The following ATP13A5 variants were observed in gnomAD, a reference collection of about 807,000 sequenced individuals.
ATP13A5 encodes the protein ATPase 13A5, also known as probable cation-transporting ATPase 13A5.
ATP13A5 carries 149 observed loss-of-function variants against 150.2 expected under a neutral mutation model. The observed-to-expected ratio is 0.99, with a 90% CI of 0.87 to 1.14. The LOEUF is 1.14. Among genes scored for constraint, ATP13A5 ranks in the 50% most tolerant of loss-of-function variants. The probability of loss-of-function intolerance (pLI) is 0.00; values close to 1 mark genes in which losing one functional copy is unlikely to be tolerated. For missense variants in ATP13A5, 1,383 were observed against 1,449.3 expected (o/e 0.95, Z 0.74); for synonymous variants, 497 against 522.2 (o/e 0.95, Z 0.66).
rs369208712 is a variant in ATP13A5, at chr3:193,324,882, C to T, written c.1656G>A (p.Met552Ile). 1.2e-6 allele frequency: 2 copies of T among 1,613,880 alleles called. No homozygotes were observed. The highest frequency in any genetic ancestry group is 1.3e-5 in the African/African-American group (1 of 74,926). ...TIQGDPLDLK[M>I]FEGTAWKMED... is the part of the protein sequence containing the mutation. ...ACCTTACCCAGGCAGTGCCCTCAAA[C>T]ATTTTGAGGTCCAGAGGGTCTCCCT... Residue 552 changes from methionine to isoleucine, a missense_variant, in exon 14 of 30, where the codon ATG (methionine) becomes ATA (isoleucine). By Grantham distance (10) the Met-to-Ile change is conservative. Around this residue, in one of 3 missense-constraint regions of ATP13A5, gnomAD observed 787 missense variants for 771.9 expected, o/e 1.02. Transcript: ENST00000342358.
At chr3:193,327,115 A>G (rs561719728) in intron 12 of ATP13A5, 58 bp from the exon 13 acceptor site, 1 of 1,446,304 alleles carries the variant, frequency 6.9e-7, no homozygotes, top group South Asian at 1.3e-5. Context: ...ATTATATAGT[A>G]ATTTAAACAA....
rs538741347 is a variant in ATP13A5, at chr3:193,290,011, C to A, written c.2897G>T (p.Gly966Val). The change falls in exon 26 of 30, where the codon GGA becomes GTA. Residue 966 changes from glycine to valine, a missense_variant. Transcript: ENST00000342358. ...YPKLAPYRPA[G>V]QLLSPPLLLS... ...CAGTAAAGGGGGAGAAAGGAGCTGT[C>A]CTGCTGGTCTATATGGAGCCAGCTT... The A allele has an allele frequency of 6.2e-7, 1 of 1,612,720 alleles. No individual in the cohort carries two copies. The highest frequency in any genetic ancestry group is 1.7e-5 in the Admixed American group (1 of 59,856).
chr3:193,300,009 G>A (rs1718338580), intron 24 of ATP13A5, among the ~76,000 whole-genome samples: 2 of 152,106 alleles, frequency 1.3e-5, no homozygotes, highest in South Asian at 4.1e-4. Context: ...TCTTATTTAG[G>A]TCTAGACCAC....
At chr3:193,355,335 T>C (rs1712741158) in intron 5 of ATP13A5, among the ~76,000 whole-genome samples, 1 of 152,154 alleles carries the variant, frequency 6.6e-6, no homozygotes, top group South Asian at 2.1e-4. Flanking sequence ...TGAGATTTCA[T>C]ATTATTAGCA....
chr3:193,307,321 A>G lies in ATP13A5; in HGVS notation c.2568+6T>C. 6.2e-7 allele frequency: 1 copy of G among 1,613,710 alleles called. No individual in the cohort carries two copies. The highest frequency in any genetic ancestry group is 8.5e-7 in the Non-Finnish European group (1 of 1,179,852). On this transcript the variant is annotated splice_donor_region_variant and intron_variant, in intron 22 of 29. Coordinates refer to ENST00000342358, the MANE Select transcript of ATP13A5 (RefSeq NM_198505.4). ...GCTTGTCTGAGCAAAAGCCATTTCT[A>G]CTCACCCCACAGTCGTTAGCTCCAT...
At chr3:193,279,758 ACAGT>A (rs1322157339) in intron 27 of ATP13A5, among the ~76,000 whole-genome samples, 2 of 152,000 alleles carry the variant, frequency 1.3e-5, no homozygotes, top group Non-Finnish European at 2.9e-5. Context: ...CGTGGGATAA[ACAGT>A]CAGTGTTCTT....
intron 27 of ATP13A5, among the ~76,000 whole-genome samples, chr3:193,284,001 C>A (rs1352890821): frequency 1.0e-5 from 1 of 100,266 alleles, no homozygotes; most frequent in African/African-American, 4.0e-5. Flanking sequence ...GCTTCTTTGG[C>A]CTGCGGATTA....
intron 1 of ATP13A5, among the ~76,000 whole-genome samples, chr3:193,377,488 T>C (rs529966765): frequency 6.6e-6 from 1 of 152,340 alleles, no homozygotes; most frequent in South Asian, 2.1e-4. Context: ...TTTACTAAAT[T>C]CTTCAAAATC....
chr3:193,300,957 CAG>C (rs1718372980), intron 24 of ATP13A5, among the ~76,000 whole-genome samples: 2 of 152,218 alleles, frequency 1.3e-5, no homozygotes, highest in East Asian at 1.9e-4. Context: ...AAAGAAGAAA[CAG>C]GGGTTTGGAG....
chr3:193,301,238 C>A lies in ATP13A5; in HGVS notation c.2748G>T (p.Gln916His), dbSNP rs775941475. The change falls in exon 24 of 30, where the codon CAG becomes CAT. Residue 916 changes from glutamine (Q) to histidine (H), a missense_variant. By Grantham distance (24) the Gln-to-His change is conservative (BLOSUM62 0). Around this residue, in one of 3 missense-constraint regions of ATP13A5, gnomAD observed 568 missense variants for 621.5 expected, o/e 0.91. Coordinates refer to ENST00000342358, the MANE Select transcript of ATP13A5 (RefSeq NM_198505.4). ...AATAGAGCAGTAATGCACTGATAAA[C>A]TGGATTATGCCGTACATGGTCAAGT... Reference protein sequence around the residue: ...FKYLTMYGIIQFISALLLYWQ... With the variant: ...FKYLTMYGIIHFISALLLYWQ... 4 of 1,613,380 alleles carry A rather than the reference C, an allele frequency of 2.5e-6. No individual in the cohort carries two copies. The highest frequency in any genetic ancestry group is 3.4e-6 in the Non-Finnish European group (4 of 1,179,554).
Position 193,364,129 on chromosome 3 carries a change from T to C in ATP13A5, c.215A>G (p.Asp72Gly). ...CACTGTTGTCCTCAGCAAAACAGTGTCTGCTTCTTGCAAGGGGCATGGGAT... is the reference window on the plus strand; with the variant it reads ...CACTGTTGTCCTCAGCAAAACAGTGCCTGCTTCTTGCAAGGGGCATGGGAT... The part of the protein sequence containing the change: ...NCIPCPLQEA[D>G]TVLLRTTDEF... The change falls in exon 2 of 30, where the codon GAC becomes GGC. Residue 72 changes from aspartate (D) to glycine (G), a missense_variant. Physicochemically the swap from Asp to Gly is moderately conservative, Grantham distance 94. Coordinates refer to ENST00000342358, the MANE Select transcript of ATP13A5 (RefSeq NM_198505.4). The C allele has an allele frequency of 6.2e-7, 1 of 1,614,046 alleles. No individual in the cohort carries two copies. Among genetic ancestry groups the C allele is most frequent in the South Asian group, 1.1e-5 (1 of 91,082 alleles).
At chr3:193,324,301 C>G (rs1450044313) in intron 14 of ATP13A5, among the ~76,000 whole-genome samples, 1 of 152,112 alleles carries the variant, frequency 6.6e-6, no homozygotes, top group Non-Finnish European at 1.5e-5. Context: ...TACACAGTCG[C>G]CACCAGCCAC....
chr3:193,336,566 T>C (rs931967333), intron 9 of ATP13A5, among the ~76,000 whole-genome samples: 1 of 152,238 alleles, frequency 6.6e-6, no homozygotes, highest in Non-Finnish European at 1.5e-5. Context: ...GGACATGAAC[T>C]CATCCGTTTT....
intron 28 of ATP13A5, among the ~76,000 whole-genome samples, chr3:193,277,147 C>A (rs1173871992): frequency 3.9e-5 from 6 of 152,104 alleles, no homozygotes; most frequent in African/African-American, 1.4e-4. Flanking sequence ...CCATTTTTAT[C>A]TTTTCAAACA....
At chr3:193,377,354 G>A (rs1713679385) in intron 1 of ATP13A5, among the ~76,000 whole-genome samples, 1 of 152,192 alleles carries the variant, frequency 6.6e-6, no homozygotes, top group South Asian at 2.1e-4. Context: ...TAATATTAAC[G>A]TTCCTAGCAG....
rs1301690914 is a variant in ATP13A5, at chr3:193,375,217, A to G, written c.63+3446T>C. On this transcript the variant is annotated intron_variant, in intron 1 of 29. Coordinates refer to ENST00000342358, the MANE Select transcript of ATP13A5 (RefSeq NM_198505.4). The stretch of plus-strand genomic sequence containing the variant: ...TTATATAATACCTACTGCAGAAGAT[A>G]TGTTTAGAAAAGCTGTATTACCTCA... 2.0e-5 allele frequency among the ~76,000 whole-genome samples: 3 copies of G among 152,184 alleles called. No individual in the cohort carries two copies. The East Asian group carries it at 5.8e-4, about 29-fold the overall frequency.
rs1461062043 is a variant in ATP13A5 at position 193,378,703 on chromosome 3, T to A, written c.23A>T (p.Asp8Val). 1.2e-6 allele frequency: 2 copies of A among 1,613,808 alleles called. No homozygotes were observed. Among genetic ancestry groups the A allele is most frequent in the Non-Finnish European group, 1.7e-6 (2 of 1,179,844 alleles). Residue 8 changes from aspartate (D) to valine (V), a missense_variant, in exon 1 of 30, where the codon GAC (aspartate) becomes GTC (valine). This residue lies in a region of ATP13A5 where 787 missense variants were observed against 771.9 expected (regional missense o/e 1.02). Coordinates refer to ENST00000342358, the MANE Select transcript of ATP13A5 (RefSeq NM_198505.4). ...TCCCTGGTTGAGCAAAGCCCGATGG[T>A]CCTTCTTACTGTTCTCTTCCATCTG... Reference protein sequence around the residue: MEENSKKDHRALLNQGEE... With the variant: MEENSKKVHRALLNQGEE...
At position 193,308,850 on chromosome 3, in the gene ATP13A5, A is replaced by G. The variant is rs146641261; in HGVS notation, c.2526-1481T>C. Among the ~76,000 whole-genome samples, 617 of 152,348 alleles carry G rather than the reference A, an allele frequency of 4.0e-3. 3 individuals are homozygous for G. The highest frequency in any genetic ancestry group is 0.014 in the African/African-American group (601 of 41,584). ...GCAAAATTTCTCAGGCATTTGAAAA[A>G]GGTAAAATTACTTTCTTCAGCAATA... On this transcript the variant is annotated intron_variant, in intron 21 of 29. Coordinates refer to ENST00000342358, the MANE Select transcript of ATP13A5 (RefSeq NM_198505.4).
intron 14 of ATP13A5, chr3:193,323,668 CA>C (rs1404839136): frequency 6.6e-6 from 1 of 152,212 alleles, no homozygotes; most frequent in African/African-American, 2.4e-5. Context: ...GATTCCTCTC[CA>C]TTGAGATCCA....
Sources: gnomAD v4.1 joint callset for allele counts (sites outside exome capture counted in the v4.1 genomes callset) on GRCh38, gnomAD v4.1.1 for gene constraint, gnomAD v4.1.1 regional missense constraint, MANE v1.5 for transcripts, NCBI Gene and HGNC (gene_info 2026-07-23, HGNC 2026-07-21) for gene names.